The following RAB12 variants were observed in gnomAD, a reference collection of about 807,000 sequenced individuals.
RAB12 encodes RAB12, member RAS oncogene family.
Under a neutral mutation model 28.4 loss-of-function variants are expected in RAB12, and 11 were observed. That is an observed-to-expected ratio of 0.39 (90% CI 0.24 to 0.64). The LOEUF (loss-of-function observed/expected upper bound fraction) is 0.64. RAB12 is among the 30% of genes least tolerant of loss of function. The probability of loss-of-function intolerance (pLI) is 0.50; values close to 1 mark genes in which losing one functional copy is unlikely to be tolerated. For synonymous variants in RAB12, 138 were observed against 145.3 expected (o/e 0.95, Z 0.36); for missense variants, 276 against 351.1 (o/e 0.79, Z 1.71).
intron 2 of RAB12, among the ~76,000 whole-genome samples, chr18:8,628,270 C>T (rs12455700): frequency 0.12 from 18,244 of 152,028 alleles, 1,299 homozygotes; most frequent in Admixed American, 0.17. Context: ...TGCTGGCACA[C>T]GGTAGATATT....
At position 8,638,335 on chromosome 18, in the gene RAB12, A is replaced by G; in HGVS notation, c.*73A>G. On this transcript the variant is annotated 3_prime_UTR_variant, in exon 6 of 6. Coordinates refer to ENST00000649141, the MANE Select transcript of RAB12 (RefSeq NM_001025300.3). ...AAACGTTCTATTCTGCACTACAATC[A>G]TTTTGACAATTTCCTTTCGCACTTT... 9.8e-7 allele frequency: 1 copy of G among 1,024,890 alleles called. No individual in the cohort carries two copies. Among genetic ancestry groups the G allele is most frequent in the Non-Finnish European group, 1.5e-6 (1 of 663,708 alleles). 63.5% of individuals were successfully genotyped at this position (1,024,890 alleles called of 1,614,324 possible). A position where few individuals can be genotyped will look rare whatever the true frequency, so the allele number is the denominator to read the frequency against.
At chr18:8,613,147 CAG>C (rs149515151) in intron 1 of RAB12, among the ~76,000 whole-genome samples, 1,871 of 152,272 alleles carry the variant, frequency 0.012, 35 homozygotes, top group African/African-American at 0.042. Context: ...GTATGAAAAA[CAG>C]AGGTTGTATT....
At chr18:8,631,790 G>A (rs562222109) in intron 2 of RAB12, among the ~76,000 whole-genome samples, 2 of 152,086 alleles carry the variant, frequency 1.3e-5, no homozygotes, top group African/African-American at 4.8e-5. Flanking sequence ...TGATTACAAA[G>A]CTAATGTTGG....
chr18:8,611,993 C>G (rs1447554512), intron 1 of RAB12, among the ~76,000 whole-genome samples: 1 of 152,204 alleles, frequency 6.6e-6, no homozygotes, highest in African/African-American at 2.4e-5. Context: ...ACTGTGAGAA[C>G]GCCAGCCAGC....
At chr18:8,619,263 G>A (rs908032254) in intron 1 of RAB12, among the ~76,000 whole-genome samples, 2 of 152,216 alleles carry the variant, frequency 1.3e-5, no homozygotes, top group Non-Finnish European at 2.9e-5. Context: ...CAGTCCGCTT[G>A]GCCGTAGTCC....
intron 1 of RAB12, among the ~76,000 whole-genome samples, chr18:8,617,235 C>G (rs2096007184): frequency 6.6e-6 from 1 of 152,060 alleles, no homozygotes; most frequent in Admixed American, 6.6e-5. Flanking sequence ...TCCTGTAGAT[C>G]CGAAAACTCT....
chr18:8,616,395 A>C (rs2096006695), intron 1 of RAB12, among the ~76,000 whole-genome samples: 1 of 151,878 alleles, frequency 6.6e-6, no homozygotes, highest in African/African-American at 2.4e-5. Flanking sequence ...AAAAAAAAAA[A>C]AAAAACTTGT....
intron 1 of RAB12, among the ~76,000 whole-genome samples, chr18:8,616,063 A>G (rs2096006516): frequency 6.6e-6 from 1 of 152,180 alleles, no homozygotes; most frequent in Non-Finnish European, 1.5e-5. Context: ...CATTAGTTTG[A>G]ATTTGTAAAG....
chr18:8,635,876 T>C (rs1416735377), intron 4 of RAB12: 4 of 450,446 alleles, frequency 8.9e-6, no homozygotes, highest in African/African-American at 6.1e-5. Context: ...CAGAGAAACA[T>C]ATTTTAAGCC....
In RAB12 at chr18:8,635,610, G is replaced by A; in HGVS notation, c.792G>A (p.Gln264=). The change falls in exon 4 of 6, where the codon CAG becomes CAA. Residue 264 remains glutamine, a synonymous_variant. Transcript: ENST00000649141. ...AAACGGACAGAGAAATCACCAGGCA[G>A]CAGGGGGAAAAGGTGAGAGGGCGTG... ...DCETDREITR[Q]QGEKFAQQIT... is the part of the protein sequence containing the mutation. 1 of 1,612,216 alleles carries A rather than the reference G, an allele frequency of 6.2e-7. No homozygotes were observed. Among genetic ancestry groups the A allele is most frequent in the Non-Finnish European group, 8.5e-7 (1 of 1,179,094 alleles).
chr18:8,626,707 G>A (rs998482602), intron 2 of RAB12, among the ~76,000 whole-genome samples: 5 of 152,168 alleles, frequency 3.3e-5, no homozygotes, highest in South Asian at 4.1e-4. Flanking sequence ...GAAGAGCAGC[G>A]GGCACTCAGA....
At chr18:8,625,147 C>G in intron 2 of RAB12, 149 bp downstream of exon 2, 1 of 592,588 alleles carries the variant, frequency 1.7e-6, no homozygotes, top group Non-Finnish European at 3.0e-6. Context: ...GTGTTTCCAT[C>G]AAGAGAGAGA....
intron 1 of RAB12, among the ~76,000 whole-genome samples, chr18:8,610,360 T>G (rs1598305812): frequency 6.6e-6 from 1 of 152,188 alleles, no homozygotes; most frequent in Non-Finnish European, 1.5e-5. Context: ...CTGCTGCGGG[T>G]GTGATCCCTG....
intron 1 of RAB12, among the ~76,000 whole-genome samples, chr18:8,615,780 T>C (rs1248128060): frequency 6.6e-6 from 1 of 152,246 alleles, no homozygotes; most frequent in African/African-American, 2.4e-5. Context: ...TTAGGTTGTT[T>C]ATGTTGAATA....
In RAB12 at chr18:8,639,144, G is replaced by GTTTTTTT. The variant is rs1598315808; in HGVS notation, c.*884_*885insTTTTTTT. On this transcript the variant is annotated 3_prime_UTR_variant, in exon 6 of 6. Coordinates refer to ENST00000649141, the MANE Select transcript of RAB12 (RefSeq NM_001025300.3). Reference sequence around the variant, plus strand: ...CTTATTCTGATTAAGCCTAGACTGTGTTCTTTTTTTTTTTTTTTTTTTTTT... The same window carrying GTTTTTTT: ...CTTATTCTGATTAAGCCTAGACTGTGTTTTTTTTTCTTTTTTTTTTTTTTTTTTTTTT... 2.7e-3 allele frequency: 44 copies of GTTTTTTT among 16,584 alleles called. 2 individuals are homozygous for GTTTTTTT. The highest frequency in any genetic ancestry group is 4.9e-3 in the Admixed American group (5 of 1,026). 1.0% of individuals were successfully genotyped at this position (16,584 alleles called of 1,614,324 possible). A position where few individuals can be genotyped will look rare whatever the true frequency, so the allele number is the denominator to read the frequency against.
chr18:8,615,227 G>T (rs1328964180), intron 1 of RAB12, among the ~76,000 whole-genome samples: 1 of 152,188 alleles, frequency 6.6e-6, no homozygotes, highest in Non-Finnish European at 1.5e-5. Flanking sequence ...CTCTCTGGGG[G>T]TCTGCCCTTG....
At chr18:8,622,300 A>C (rs988710559) in intron 1 of RAB12, among the ~76,000 whole-genome samples, 1 of 152,248 alleles carries the variant, frequency 6.6e-6, no homozygotes, top group African/African-American at 2.4e-5. Flanking sequence ...ACAAAAGTAA[A>C]ATAGAATATT....
intron 1 of RAB12, among the ~76,000 whole-genome samples, chr18:8,613,521 A>G (rs886220934): frequency 5.3e-5 from 8 of 152,116 alleles, no homozygotes; most frequent in African/African-American, 1.7e-4. Context: ...TTTGACTCTC[A>G]TTAGTTTTAG....
intron 3 of RAB12, among the ~76,000 whole-genome samples, chr18:8,634,423 T>C (rs1315988938): frequency 6.6e-6 from 1 of 150,978 alleles, no homozygotes; most frequent in Non-Finnish European, 1.5e-5. Context: ...CATTGGCACA[T>C]CAGTGGATAC....
Sources: gnomAD v4.1 joint callset for allele counts (sites outside exome capture counted in the v4.1 genomes callset) on GRCh38, gnomAD v4.1.1 for gene constraint, MANE v1.5 for transcripts, NCBI Gene and HGNC (gene_info 2026-07-23, HGNC 2026-07-21) for gene names.